Variants in DMXL2 observed in about 807,000 individuals in gnomAD.
DMXL2 encodes the protein Dmx like 2, also known as dmX-like protein 2.
A neutral mutation model predicts 331.1 loss-of-function variants in DMXL2; 103 were observed. That is an observed-to-expected ratio of 0.31 (90% CI 0.27 to 0.37). The LOEUF (loss-of-function observed/expected upper bound fraction) is 0.37. DMXL2 is among the 10% of genes least tolerant of loss of function. The probability of loss-of-function intolerance (pLI) is 1.00; values close to 1 mark genes in which losing one functional copy is unlikely to be tolerated. For missense variants in DMXL2, 3,171 were observed against 3,642.9 expected, an observed-to-expected ratio of 0.87 and a Z score of 3.33; for synonymous variants, 1,281 against 1,252.1, an observed-to-expected ratio of 1.02 and a Z score of -0.49.
At chr15:51,450,831 T>C (rs1317276635) in intron 42 of DMXL2, among the ~76,000 whole-genome samples, 1 of 152,268 alleles carries the variant, frequency 6.6e-6, no homozygotes, top group Non-Finnish European at 1.5e-5. Context: ...AAGATTCAAA[T>C]TAACATGCAG....
At chr15:51,489,253 A>G (rs79063418) in intron 20 of DMXL2, among the ~76,000 whole-genome samples, 400 of 152,354 alleles carry the variant, frequency 2.6e-3, no homozygotes, top group African/African-American at 9.2e-3. Flanking sequence ...ATAATGACAA[A>G]ACAACAGTGG....
intron 1 of DMXL2, among the ~76,000 whole-genome samples, chr15:51,600,998 A>G (rs1238517388): frequency 6.6e-6 from 1 of 152,148 alleles, no homozygotes; most frequent in Non-Finnish European, 1.5e-5. Context: ...TTAGAGGAAA[A>G]TAAAACAATT....
intron 13 of DMXL2, among the ~76,000 whole-genome samples, 163 bp from the exon 14 acceptor site, chr15:51,517,330 TGTTAAGTCTAAA>T (rs2047091128): frequency 1.3e-5 from 2 of 152,234 alleles, no homozygotes; most frequent in African/African-American, 4.8e-5. Flanking sequence ...CTCATTCTCA[TGTTAAGTCTAAA>T]GTTAAGCAGA....
chr15:51,593,506 C>T (rs1459427944), intron 1 of DMXL2, among the ~76,000 whole-genome samples: 8 of 152,252 alleles, frequency 5.3e-5, no homozygotes, highest in African/African-American at 1.2e-4. Flanking sequence ...GACAGATCAA[C>T]GAGACAGAAG....
chr15:51,525,004 G>A (rs2047589092), intron 13 of DMXL2, among the ~76,000 whole-genome samples: 1 of 151,756 alleles, frequency 6.6e-6, no homozygotes, highest in South Asian at 2.1e-4. Context: ...TCTGCTTGAA[G>A]AGAGGCGACA....
chr15:51,539,397 T>C (rs1158191755), intron 9 of DMXL2, among the ~76,000 whole-genome samples: 3 of 152,034 alleles, frequency 2.0e-5, no homozygotes, highest in African/African-American at 4.8e-5. Context: ...CTTTACTAAA[T>C]AGCTGTTGGG....
In DMXL2 at chr15:51,479,928, G is replaced by T. The variant is rs770020793; in HGVS notation, c.6756+20C>A. ...CTTCTCAGGGTGTATAATATCAAAT[G>T]ATCATAAACTTTACATTACCTTCAC... On this transcript the variant is annotated intron_variant, in intron 25 of 43. Transcript: ENST00000560891. 2 of 1,453,232 alleles carry T rather than the reference G, an allele frequency of 1.4e-6. No individual in the cohort carries two copies. The highest frequency in any genetic ancestry group is 2.4e-5 in the East Asian group (1 of 42,436). 90.0% of individuals were successfully genotyped at this position (1,453,232 alleles called of 1,614,324 possible). A position where few individuals can be genotyped will look rare whatever the true frequency, so the allele number is the denominator to read the frequency against.
chr15:51,619,645 G>C (rs2054506400), intron 1 of DMXL2, among the ~76,000 whole-genome samples: 1 of 152,120 alleles, frequency 6.6e-6, no homozygotes, highest in South Asian at 2.1e-4. Context: ...AATCCTTTTA[G>C]AACAATTCTG....
chr15:51,472,186 C>T (rs569430812), intron 28 of DMXL2, among the ~76,000 whole-genome samples: 1 of 152,226 alleles, frequency 6.6e-6, no homozygotes, highest in East Asian at 1.9e-4. Flanking sequence ...ACCTGCTCCT[C>T]TCCTAAACCT....
At chr15:51,579,437 A>C (rs2051261145) in intron 1 of DMXL2, among the ~76,000 whole-genome samples, 1 of 152,180 alleles carries the variant, frequency 6.6e-6, no homozygotes, top group African/African-American at 2.4e-5. Flanking sequence ...TTGAGGGCCC[A>C]TGAGATTTTA....
At chr15:51,488,748 G>C in intron 20 of DMXL2, 103 bp from the exon 21 acceptor site, 1 of 999,622 alleles carries the variant, frequency 1.0e-6, no homozygotes, top group Non-Finnish European at 1.4e-6. Context: ...GATAGAAACT[G>C]TGGAGACAGA....
chr15:51,531,386 A>G (rs1183942382), intron 13 of DMXL2, among the ~76,000 whole-genome samples: 1 of 152,226 alleles, frequency 6.6e-6, no homozygotes, highest in Admixed American at 6.5e-5. Context: ...TCAAATCAAA[A>G]TGGATTAAAG....
Position 51,622,747 on chromosome 15 carries a change from C to A in DMXL2, c.-202G>T, listed in dbSNP as rs944999278. 1.0e-6 allele frequency: 1 copy of A among 979,016 alleles called. No homozygotes were observed. Among genetic ancestry groups the A allele is most frequent in the East Asian group, 3.0e-5 (1 of 33,634 alleles). 60.6% of individuals were successfully genotyped at this position (979,016 alleles called of 1,614,324 possible). ...GAGCTCCTCGACCGCCGCCGCCGCC[C>A]GGGTCGCCGCTCAGCTGCGGAAATG... On this transcript the variant is annotated 5_prime_UTR_variant, in exon 1 of 44. Transcript: ENST00000560891.
rs2043771551 is a variant in DMXL2, at chr15:51,502,828, T to G, written c.2970A>C (p.Val990=). The part of the protein sequence containing the change: ...QPLDLPESVE[V]IRATPSAGHL... ...TACCTGCTGAAGGCGTTGCTCTTAT[T>G]ACTTCAACTGATTCTGGGAGATCAA... is the stretch of plus-strand genomic sequence containing the variant. Residue 990 remains valine (V), a synonymous_variant, in exon 17 of 44, where the codon GTA becomes GTC. Coordinates refer to ENST00000560891, the MANE Select transcript of DMXL2 (RefSeq NM_001378457.1). 6.2e-7 allele frequency: 1 copy of G among 1,613,954 alleles called. No individual in the cohort carries two copies. The highest frequency in any genetic ancestry group is 1.7e-5 in the Admixed American group (1 of 60,004).
At chr15:51,586,001 G>T (rs1489818668) in intron 1 of DMXL2, among the ~76,000 whole-genome samples, 1 of 152,148 alleles carries the variant, frequency 6.6e-6, no homozygotes, top group Non-Finnish European at 1.5e-5. Context: ...GAAAAGCAGG[G>T]AAGGGGTAGC....
In DMXL2 at chr15:51,524,220, G is replaced by A. The variant is rs947013241; in HGVS notation, c.2437-7053C>T. On this transcript the variant is annotated intron_variant, in intron 13 of 43. Transcript: ENST00000560891. ...TTACACTTCTAAGTAATCGAGGGTC[G>A]AAGAGAAATTCTCAAAGGAAATCAA... Among the ~76,000 whole-genome samples, 3 of 152,160 alleles carry A rather than the reference G, an allele frequency of 2.0e-5. No homozygotes were observed. The East Asian group carries it at 5.8e-4, about 29-fold the overall frequency.
chr15:51,492,659 A>C (rs2042895166), intron 19 of DMXL2, among the ~76,000 whole-genome samples: 2 of 152,216 alleles, frequency 1.3e-5, no homozygotes, highest in Admixed American at 1.3e-4. Flanking sequence ...GGTAAAAACG[A>C]AACATAATGA....
chr15:51,562,880 C>A (rs2050054305), intron 6 of DMXL2, among the ~76,000 whole-genome samples: 1 of 152,092 alleles, frequency 6.6e-6, no homozygotes, highest in African/African-American at 2.4e-5. Flanking sequence ...AAAGCCTCAG[C>A]TTCTACAGTG....
At chr15:51,515,966 G>A (rs916823534) in intron 14 of DMXL2, among the ~76,000 whole-genome samples, 1 of 152,142 alleles carries the variant, frequency 6.6e-6, no homozygotes, top group African/African-American at 2.4e-5. Context: ...GCATTTCCCA[G>A]GAGGTATTAG....
Sources: allele counts gnomAD v4.1 joint callset (sites outside exome capture counted in the v4.1 genomes callset), GRCh38; gene constraint gnomAD v4.1.1; transcripts MANE v1.5; gene names NCBI Gene and HGNC (gene_info 2026-07-23, HGNC 2026-07-21).